ACACA: variants seen among roughly 807,000 people sequenced by gnomAD.
ACACA encodes the protein acetyl-CoA carboxylase 1.
ACACA carries 103 observed loss-of-function variants against 296.1 expected under a neutral mutation model. That is an observed-to-expected ratio of 0.35 (90% CI 0.30 to 0.41). The LOEUF is 0.41. Among genes scored for constraint, ACACA ranks in the 10% least tolerant of loss-of-function variants. ACACA has a pLI of 1.00. For missense variants in ACACA, 1,554 were observed against 2,989.7 expected (o/e 0.52, Z 11.20); for synonymous variants, 953 against 1,038.6 (o/e 0.92, Z 1.58).
At chr17:37,100,323 A>G (rs2073280599) in intron 52 of ACACA, among the ~76,000 whole-genome samples, 1 of 152,198 alleles carries the variant, frequency 6.6e-6, no homozygotes, top group South Asian at 2.1e-4. Flanking sequence ...GGATTAACCT[A>G]GTGAACAACA....
intron 39 of ACACA, among the ~76,000 whole-genome samples, chr17:37,185,744 T>C (rs778751634): frequency 1.3e-5 from 2 of 151,854 alleles, no homozygotes; most frequent in Non-Finnish European, 2.9e-5. Context: ...AATTTTTGTA[T>C]TTTTAGTAGA....
At chr17:37,180,679 T>C (rs1209803431) in intron 40 of ACACA, among the ~76,000 whole-genome samples, 1 of 152,224 alleles carries the variant, frequency 6.6e-6, no homozygotes, top group African/African-American at 2.4e-5. Flanking sequence ...TTTCTCATGC[T>C]AGTTTTTATT....
chr17:37,144,220 C>T (rs1434555519), intron 45 of ACACA: 12 of 714,976 alleles, frequency 1.7e-5, no homozygotes, highest in Admixed American at 7.2e-5. Flanking sequence ...TATGCTCCTC[C>T]CAACAAGTTT....
At chr17:37,390,119 C>A (rs1335154734) in intron 1 of ACACA, among the ~76,000 whole-genome samples, 1 of 83,484 alleles carries the variant, frequency 1.2e-5, no homozygotes, top group Non-Finnish European at 2.2e-5. Context: ...TAGCGAGACA[C>A]TGTCTCTATT....
intron 3 of ACACA, chr17:37,299,279 C>G (rs1412418695): frequency 6.2e-7 from 1 of 1,613,534 alleles, no homozygotes. Context: ...CTAACACTTA[C>G]CTTTGAAGCA....
chr17:37,141,166 T>C, intron 45 of ACACA: 1 of 526,802 alleles, frequency 1.9e-6, no homozygotes. Context: ...CTTCAAAACC[T>C]CATCCTTGAG....
intron 24 of ACACA, among the ~76,000 whole-genome samples, chr17:37,238,614 T>C (rs1353685776): frequency 6.6e-6 from 1 of 152,222 alleles, no homozygotes; most frequent in Non-Finnish European, 1.5e-5. Context: ...ACAAATACAC[T>C]AACAGAATTT....
At chr17:37,104,204 GT>G (rs1425645828) in intron 52 of ACACA, among the ~76,000 whole-genome samples, 1 of 152,244 alleles carries the variant, frequency 6.6e-6, no homozygotes, top group Admixed American at 6.5e-5. Flanking sequence ...GCAGGCCACG[GT>G]TGGACAAGTT....
intron 1 of ACACA, among the ~76,000 whole-genome samples, chr17:37,364,633 A>G (rs2147635563): frequency 3.4e-3 from 1 of 296 alleles, no homozygotes; most frequent in South Asian, 0.25. Flanking sequence ...AGAACCATGA[A>G]GAGCCCCCCC....
chr17:37,097,161 G>C lies in ACACA; in HGVS notation c.6726C>G (p.Ile2242Met). The stretch of plus-strand genomic sequence containing the variant: ...AGGTACGGGATGTTTTCCAATCCAG[G>C]ATATCCTACATGCAGAGAAGAATAA... ...RMQEKGVISDILDWKTSRTFF... is the reference protein window; with the variant it reads ...RMQEKGVISDMLDWKTSRTFF... The change falls in exon 54 of 56, where the codon ATC becomes ATG. Residue 2242 changes from isoleucine to methionine, a missense_variant. By Grantham distance (10) the Ile-to-Met change is conservative (BLOSUM62 1). This residue lies in a region of ACACA where 553 missense variants were observed against 1,043.6 expected (regional missense o/e 0.53). Transcript: ENST00000616317. The surrounding 1 kb of genome is among the most constrained non-coding windows in gnomAD (Gnocchi z 4.8). 4 of 1,613,274 alleles carry C rather than the reference G, an allele frequency of 2.5e-6. No individual in the cohort carries two copies. The South Asian group carries it at 4.4e-5, about 18-fold the overall frequency.
Position 37,207,820 on chromosome 17 carries a change from CG to C in ACACA, c.3708-21del. 1 of 1,613,000 alleles carries C rather than the reference CG, an allele frequency of 6.2e-7. No homozygotes were observed. The highest frequency in any genetic ancestry group is 8.5e-7 in the Non-Finnish European group (1 of 1,179,090). On this transcript the variant is annotated intron_variant, in intron 30 of 55. Coordinates refer to ENST00000616317, the MANE Select transcript of ACACA (RefSeq NM_198834.3). ...GACATTCTAAATGGTAATTCAATCA[CG>C]TTCATTAGACAAGGAGGGTAGGAGC...
At position 37,325,688 on chromosome 17, in the gene ACACA, C is replaced by A. The variant is rs926080523; in HGVS notation, c.338+4485G>T. On this transcript the variant is annotated intron_variant, in intron 3 of 55. Coordinates refer to ENST00000616317, the MANE Select transcript of ACACA (RefSeq NM_198834.3). ...CCCCCGGATTCAAGCACTTCTCCTG[C>A]CTCAGCCTCTCGACTGGCTGGAACT... Among the ~76,000 whole-genome samples, 3 of 145,248 alleles carry A rather than the reference C, an allele frequency of 2.1e-5. 1 individual carries two copies. Among genetic ancestry groups the A allele is most frequent in the South Asian group, 4.3e-4 (2 of 4,618 alleles).
At chr17:37,324,308 G>T (rs1027452006) in intron 3 of ACACA, among the ~76,000 whole-genome samples, 3 of 151,966 alleles carry the variant, frequency 2.0e-5, no homozygotes, top group African/African-American at 4.8e-5. Flanking sequence ...GGAAGTTGCA[G>T]TGAGCCGAGA....
chr17:37,122,504 G>A (rs1298463342), intron 49 of ACACA, 27 bp downstream of exon 49: 2 of 1,581,064 alleles, frequency 1.3e-6, no homozygotes, highest in Non-Finnish European at 1.7e-6. Context: ...TCCAAGCACA[G>A]CCCCCAGTGT....
intron 25 of ACACA, among the ~76,000 whole-genome samples, chr17:37,234,226 G>C (rs1567857097): frequency 6.6e-6 from 1 of 152,198 alleles, no homozygotes; most frequent in Non-Finnish European, 1.5e-5. Context: ...ACCATGGGGT[G>C]AGGGACTCTA....
chr17:37,183,247 A>G (rs1315247858), intron 39 of ACACA, among the ~76,000 whole-genome samples: 1 of 152,212 alleles, frequency 6.6e-6, no homozygotes, highest in Non-Finnish European at 1.5e-5. Context: ...ATAATTGTGC[A>G]CTGAGGAAGG....
At chr17:37,278,029 G>A (rs1297910185) in intron 5 of ACACA, 24 bp from the exon 6 acceptor site, 1 of 1,554,704 alleles carries the variant, frequency 6.4e-7, no homozygotes, top group Non-Finnish European at 8.9e-7. Flanking sequence ...CGAATTAATA[G>A]AGAACACATG....
chr17:37,349,215 A>G (rs2048774549), intron 1 of ACACA, among the ~76,000 whole-genome samples: 2 of 149,344 alleles, frequency 1.3e-5, no homozygotes. Context: ...CGTGTGCCCC[A>G]ACACATGGCT....
chr17:37,283,466 A>G lies in ACACA; in HGVS notation c.472-61T>C, dbSNP rs2082637090. ...GGCAGAAAAAAGCAACAATGGAGGA[A>G]AAGAGATGAGAGAATTTTTACATAT... is the stretch of plus-strand genomic sequence containing the variant. On this transcript the variant is annotated intron_variant, in intron 4 of 55. Transcript: ENST00000616317. The G allele has an allele frequency of 5.7e-6, 9 of 1,580,520 alleles. No homozygotes were observed. In the Admixed American group the frequency reaches 1.5e-4, roughly 27 times the overall value.
Sources: gnomAD v4.1 joint callset for allele counts (sites outside exome capture counted in the v4.1 genomes callset) on GRCh38, gnomAD v4.1.1 for gene constraint, gnomAD v4.1.1 regional missense constraint, Gnocchi (gnomAD v3.1) non-coding constraint, MANE v1.5 for transcripts, NCBI Gene and HGNC (gene_info 2026-07-23, HGNC 2026-07-21) for gene names.